DPP6: variants seen among roughly 807,000 people sequenced by gnomAD.
The protein encoded by DPP6 is dipeptidyl peptidase like 6.
In DPP6, 69 loss-of-function variants were observed where a neutral mutation model predicts 122.6. That is an observed-to-expected ratio of 0.56 (90% CI 0.46 to 0.69). The LOEUF is 0.69. Ranked by LOEUF, DPP6 falls within the 30% of genes least tolerant of loss-of-function variation. DPP6 has a pLI of 0.00. For missense variants in DPP6, 928 were observed against 1,116.9 expected (o/e 0.83, Z 2.41); for synonymous variants, 418 against 433.1 (o/e 0.97, Z 0.43).
chr7:154,635,368 C>T (rs930874184), intron 5 of DPP6, among the ~76,000 whole-genome samples: 2 of 151,954 alleles, frequency 1.3e-5, no homozygotes, highest in African/African-American at 4.8e-5. Context: ...GTGCTTCAGT[C>T]TGTGAGTGGT....
intron 1 of DPP6, among the ~76,000 whole-genome samples, chr7:153,954,484 C>A (rs755792819): frequency 6.6e-6 from 1 of 152,222 alleles, no homozygotes; most frequent in Non-Finnish European, 1.5e-5. Flanking sequence ...ATTGGCACCT[C>A]ATGAAAATGG....
At chr7:153,762,808 A>G in the DPP6 span, among the ~76,000 whole-genome samples, 1 of 151,438 alleles carries the variant, frequency 6.6e-6, no homozygotes, top group Non-Finnish European at 1.5e-5. Flanking sequence ...AATAAAATAA[A>G]CCCCACCCAC....
In DPP6 at chr7:154,866,488, C is replaced by T. The variant is rs117325224; in HGVS notation, c.1715-1507C>T. 3.0e-3 allele frequency among the ~76,000 whole-genome samples: 458 copies of T among 152,350 alleles called. 2 individuals are homozygous for T. Among genetic ancestry groups the T allele is most frequent in the Middle Eastern group, 6.8e-3 (2 of 294 alleles). Reference sequence around the variant, plus strand: ...GCCTGTGAGGGAGAGTGCGCCACCTCTGCAGCCAAGTCTCTGGGTCTCAGA... The same window carrying T: ...GCCTGTGAGGGAGAGTGCGCCACCTTTGCAGCCAAGTCTCTGGGTCTCAGA... On this transcript the variant is annotated intron_variant, in intron 17 of 25. Coordinates refer to ENST00000377770, the MANE Select transcript of DPP6 (RefSeq NM_130797.4).
intron 16 of DPP6, among the ~76,000 whole-genome samples, chr7:154,834,347 G>A (rs554459296): frequency 5.3e-5 from 8 of 151,810 alleles, no homozygotes; most frequent in East Asian, 1.9e-4. Flanking sequence ...GTGGTGGTGC[G>A]TGCCTGTAAT....
chr7:154,852,216 T>G (rs765110134), intron 16 of DPP6, among the ~76,000 whole-genome samples: 1 of 151,400 alleles, frequency 6.6e-6, no homozygotes, highest in Non-Finnish European at 1.5e-5. Context: ...GTGTGGGGAG[T>G]TTTGATGATG....
At chr7:154,864,197 G>A (rs903606384) in intron 17 of DPP6, among the ~76,000 whole-genome samples, 1 of 152,162 alleles carries the variant, frequency 6.6e-6, no homozygotes, top group Non-Finnish European at 1.5e-5. Context: ...AAAGGGAAGC[G>A]GCTGCTCTCT....
chr7:153,997,404 A>G (rs1469868794), intron 1 of DPP6, among the ~76,000 whole-genome samples: 1 of 152,008 alleles, frequency 6.6e-6, no homozygotes, highest in Non-Finnish European at 1.5e-5. Flanking sequence ...CTTCAGCCAC[A>G]TCTTGTTTAT....
At chr7:153,924,228 C>A (rs1017816385) in intron 1 of DPP6, among the ~76,000 whole-genome samples, 2 of 152,010 alleles carry the variant, frequency 1.3e-5, no homozygotes, top group Non-Finnish European at 2.9e-5. Flanking sequence ...CCTGCCTCAG[C>A]CTCCCGAGTA....
At chr7:154,531,294 C>T (rs190813284) in intron 3 of DPP6, among the ~76,000 whole-genome samples, 3 of 152,198 alleles carry the variant, frequency 2.0e-5, no homozygotes, top group East Asian at 1.9e-4. Flanking sequence ...AAAAATAATA[C>T]GCTCTGGGAA....
intron 1 of DPP6, among the ~76,000 whole-genome samples, chr7:154,268,971 T>C (rs1000661251): frequency 1.6e-5 from 1 of 62,078 alleles, no homozygotes; most frequent in African/African-American, 5.1e-5. Flanking sequence ...CATCTTAGAT[T>C]GGTCAGCCTG....
rs1801600441 is a variant in DPP6, at chr7:154,241,310, C to T, written c.243+188247C>T. 6.6e-6 allele frequency among the ~76,000 whole-genome samples: 1 copy of T among 150,472 alleles called. No homozygotes were observed. Among genetic ancestry groups the T allele is most frequent in the Admixed American group, 6.6e-5 (1 of 15,042 alleles). On this transcript the variant is annotated intron_variant, in intron 1 of 25. Transcript: ENST00000377770. The surrounding 1 kb of genome is among the most constrained non-coding windows in gnomAD (Gnocchi z 9.0). ...ATGTTTTCCATTAAAGTATGTTTTCCATTAAAATGTACTAAATAGGAGAGT... is the reference window on the plus strand; with the variant it reads ...ATGTTTTCCATTAAAGTATGTTTTCTATTAAAATGTACTAAATAGGAGAGT...
chr7:154,121,206 G>C (rs1316190382), intron 1 of DPP6, among the ~76,000 whole-genome samples: 1 of 152,198 alleles, frequency 6.6e-6, no homozygotes, highest in Non-Finnish European at 1.5e-5. Flanking sequence ...TTTCTTCATA[G>C]CAGCATGAGA....
intron 1 of DPP6, among the ~76,000 whole-genome samples, chr7:154,319,913 C>G (rs7805608): frequency 0.17 from 26,262 of 150,354 alleles, 3,415 homozygotes; most frequent in African/African-American, 0.36. Context: ...ATTGCTTGAA[C>G]CCAGGAGGCG....
At chr7:154,120,283 A>C (rs71532643) in intron 1 of DPP6, among the ~76,000 whole-genome samples, 9 of 147,360 alleles carry the variant, frequency 6.1e-5, no homozygotes, top group Non-Finnish European at 1.2e-4. Context: ...CTCGCTCTGT[A>C]GCCCAGGCTG....
chr7:154,488,198 G>T (rs1055799388), intron 3 of DPP6, among the ~76,000 whole-genome samples: 1 of 152,118 alleles, frequency 6.6e-6, no homozygotes, highest in Non-Finnish European at 1.5e-5. Flanking sequence ...GACACACGTG[G>T]GCGGGGCGGG....
At chr7:153,828,396 A>G in the DPP6 span, among the ~76,000 whole-genome samples, 2 of 152,128 alleles carry the variant, frequency 1.3e-5, no homozygotes, top group Admixed American at 6.5e-5. Flanking sequence ...CACATGTAGC[A>G]TTGGCAGAAG....
rs1233810954 is a variant in DPP6, at chr7:154,052,792, A to G, written c.-29A>G. On this transcript the variant is annotated 5_prime_UTR_variant, in exon 1 of 26. Coordinates refer to ENST00000377770, the MANE Select transcript of DPP6 (RefSeq NM_130797.4). This position sits in a 1 kb window ranked among gnomAD's most constrained non-coding sequence, Gnocchi z 4.8. ...AGAAAGCAAAATATTAAAAAGCCCC[A>G]AAGACAGCCAGCAGGAGCGCGGTGC... 4 of 1,478,320 alleles carry G rather than the reference A, an allele frequency of 2.7e-6. No individual in the cohort carries two copies. Among genetic ancestry groups the G allele is most frequent in the Non-Finnish European group, 1.8e-6 (2 of 1,108,376 alleles). The allele number at this position is 1,478,320 out of a possible 1,614,324, so 91.6% of individuals were successfully genotyped here. A position where few individuals can be genotyped will look rare whatever the true frequency, so the allele number is the denominator to read the frequency against.
intron 1 of DPP6, among the ~76,000 whole-genome samples, chr7:153,954,640 G>A (rs1802374823): frequency 6.6e-6 from 1 of 152,114 alleles, no homozygotes; most frequent in Non-Finnish European, 1.5e-5. Context: ...AATAAAGCAG[G>A]TTACCCTCCA....
At chr7:154,762,703 T>C (rs1795633408) in intron 8 of DPP6, among the ~76,000 whole-genome samples, 1 of 152,262 alleles carries the variant, frequency 6.6e-6, no homozygotes, top group Admixed American at 6.5e-5. Context: ...GTGATCCTCC[T>C]GCTTCAAGCA....
Sources: gnomAD v4.1 joint callset for allele counts (sites outside exome capture counted in the v4.1 genomes callset) on GRCh38, gnomAD v4.1.1 for gene constraint, Gnocchi (gnomAD v3.1) non-coding constraint, MANE v1.5 for transcripts, NCBI Gene and HGNC (gene_info 2026-07-23, HGNC 2026-07-21) for gene names.